DCK: variants seen among roughly 807,000 people sequenced by gnomAD.
DCK encodes deoxyadenosine kinase.
Under a neutral mutation model 38.3 loss-of-function variants are expected in DCK, and 23 were observed. The ratio of observed to expected loss-of-function variants is 0.60; its 90% CI spans 0.43 to 0.85. DCK has a LOEUF of 0.85. Ranked by LOEUF, DCK falls within the 40% of genes least tolerant of loss-of-function variation. The pLI, the probability that DCK is intolerant of heterozygous loss-of-function variation, is 0.00. For synonymous variants in DCK, 108 were observed against 100.6 expected (o/e 1.07, Z -0.44); for missense variants, 259 against 304.4 (o/e 0.85, Z 1.11).
Position 70,993,676 on chromosome 4 carries a change from A to G in DCK, c.-160A>G. The G allele has an allele frequency of 1.8e-6, 1 of 563,176 alleles. No homozygotes were observed. The highest frequency in any genetic ancestry group is 2.2e-5 in the South Asian group (1 of 45,934). 34.9% of individuals were successfully genotyped at this position (563,176 alleles called of 1,614,324 possible). A position where few individuals can be genotyped will look rare whatever the true frequency, so the allele number is the denominator to read the frequency against. Reference sequence around the variant, plus strand: ...TGTCCTCAGCTGCCTCCGCGCGCCAAAGTCAAACCCCGACACCCGCCGGCG... The same window carrying G: ...TGTCCTCAGCTGCCTCCGCGCGCCAGAGTCAAACCCCGACACCCGCCGGCG... On this transcript the variant is annotated 5_prime_UTR_variant, in exon 1 of 7. Transcript: ENST00000286648.
At chr4:71,011,122 T>C (rs1322728530) in intron 2 of DCK, among the ~76,000 whole-genome samples, 1 of 152,010 alleles carries the variant, frequency 6.6e-6, no homozygotes, top group Non-Finnish European at 1.5e-5. Flanking sequence ...TTTGTAATTT[T>C]AGTAGAGATG....
At chr4:71,028,843 T>C (rs2148920747) in intron 6 of DCK, 1 of 285,996 alleles carries the variant, frequency 3.5e-6, no homozygotes. Flanking sequence ...CCACAACCTC[T>C]GCCTCCCAGG....
chr4:70,993,712 C>G lies in DCK; in HGVS notation c.-124C>G, dbSNP rs1212119051. The G allele has an allele frequency of 3.1e-6, 2 of 643,324 alleles. No homozygotes were observed. Among genetic ancestry groups the G allele is most frequent in the Admixed American group, 2.9e-5 (1 of 34,912 alleles). The allele number at this position is 643,324 out of a possible 1,614,324, so 39.9% of individuals were successfully genotyped here. On this transcript the variant is annotated 5_prime_UTR_variant, in exon 1 of 7. Coordinates refer to ENST00000286648, the MANE Select transcript of DCK (RefSeq NM_000788.3). ...CGACACCCGCCGGCGGGCCGGTGAGCTCACTAGCTGACCCGGCAGGTCAGG... is the reference window on the plus strand; with the variant it reads ...CGACACCCGCCGGCGGGCCGGTGAGGTCACTAGCTGACCCGGCAGGTCAGG...
chr4:71,001,321 ATC>A (rs1392067925), intron 2 of DCK, among the ~76,000 whole-genome samples: 1 of 152,220 alleles, frequency 6.6e-6, no homozygotes, highest in Non-Finnish European at 1.5e-5. Flanking sequence ...CCAGCCCTGC[ATC>A]CCAGGGATGA....
chr4:71,020,526 T>C (rs1295521141), intron 2 of DCK, among the ~76,000 whole-genome samples: 1 of 152,204 alleles, frequency 6.6e-6, no homozygotes, highest in Non-Finnish European at 1.5e-5. Flanking sequence ...CTGAATTTAT[T>C]GGCTGGGATT....
chr4:71,016,338 C>T (rs1162891266), intron 2 of DCK, among the ~76,000 whole-genome samples: 13 of 152,224 alleles, frequency 8.5e-5, no homozygotes, highest in South Asian at 6.2e-4. Flanking sequence ...GAATCAATAT[C>T]GTGAAAATGG....
chr4:71,022,447 C>T lies in DCK; in HGVS notation c.288C>T (p.Phe96=). 6.2e-7 allele frequency: 1 copy of T among 1,610,482 alleles called. No homozygotes were observed. Among genetic ancestry groups the T allele is most frequent in the Non-Finnish European group, 8.5e-7 (1 of 1,178,450 alleles). Residue 96 remains phenylalanine, a synonymous_variant, in exon 3 of 7, where the codon TTC becomes TTT. Transcript: ENST00000286648. ...YEKPERWSFT[F]QTYACLSRIR... ...AACCTGAACGATGGTCTTTTACCTTCCAAACATATGCCTGTCTCAGTCGAA... is the reference window on the plus strand; with the variant it reads ...AACCTGAACGATGGTCTTTTACCTTTCAAACATATGCCTGTCTCAGTCGAA...
chr4:71,014,360 C>T (rs750254951), intron 2 of DCK, among the ~76,000 whole-genome samples: 18 of 152,246 alleles, frequency 1.2e-4, no homozygotes, highest in Non-Finnish European at 1.3e-4. Context: ...GACAGATGAA[C>T]GAGACAGAAA....
intron 3 of DCK, 99 bp downstream of exon 3, chr4:71,022,659 A>G: frequency 1.6e-6 from 1 of 628,070 alleles, no homozygotes; most frequent in Non-Finnish European, 2.4e-6. Context: ...GTAATAATGA[A>G]TGGCTGAGCT....
At position 70,998,455 on chromosome 4, in the gene DCK, G is replaced by A. The variant is rs72854178; in HGVS notation, c.207+273G>A. On this transcript the variant is annotated intron_variant, in intron 2 of 6. Transcript: ENST00000286648. ...ATAATAAAGGATTACTGTTCATATAGCATTTACATTGTATTAAGTATTATA... is the reference window on the plus strand; with the variant it reads ...ATAATAAAGGATTACTGTTCATATAACATTTACATTGTATTAAGTATTATA... Among the ~76,000 whole-genome samples the A allele has an allele frequency of 3.6e-3, 549 of 152,100 alleles. 5 individuals carry two copies. The highest frequency in any genetic ancestry group is 0.013 in the African/African-American group (531 of 41,502).
At chr4:71,019,729 T>C (rs1379247626) in intron 2 of DCK, among the ~76,000 whole-genome samples, 2 of 152,216 alleles carry the variant, frequency 1.3e-5, no homozygotes, top group African/African-American at 4.8e-5. Context: ...TTTTTGAAAT[T>C]AGGAGCCAAA....
At chr4:70,999,750 GTTT>G (rs1234905815) in intron 2 of DCK, among the ~76,000 whole-genome samples, 1 of 152,066 alleles carries the variant, frequency 6.6e-6, no homozygotes, top group Non-Finnish European at 1.5e-5. Context: ...TGTGGGTTTG[GTTT>G]GCATTTCTCT....
At chr4:71,019,754 G>A (rs537500119) in intron 2 of DCK, among the ~76,000 whole-genome samples, 2 of 150,966 alleles carry the variant, frequency 1.3e-5, no homozygotes, top group South Asian at 4.3e-4. Flanking sequence ...GTTCACACAC[G>A]TTACATTTGG....
chr4:71,018,669 T>C (rs1740335197), intron 2 of DCK, among the ~76,000 whole-genome samples: 1 of 134,726 alleles, frequency 7.4e-6, no homozygotes, highest in Non-Finnish European at 1.6e-5. Flanking sequence ...TTTTTAGATT[T>C]TTTTTTTTTT....
At chr4:71,021,919 T>A (rs1740433324) in intron 2 of DCK, among the ~76,000 whole-genome samples, 1 of 152,128 alleles carries the variant, frequency 6.6e-6, no homozygotes, top group Admixed American at 6.5e-5. Flanking sequence ...GGAGAATTGC[T>A]TGAACCTGGT....
At chr4:71,016,991 C>T (rs1387916483) in intron 2 of DCK, among the ~76,000 whole-genome samples, 1 of 152,150 alleles carries the variant, frequency 6.6e-6, no homozygotes, top group African/African-American at 2.4e-5. Context: ...TCAGAGTGAA[C>T]AGGCAACCTA....
At position 71,030,253 on chromosome 4, in the gene DCK, G is replaced by C. The variant is rs1740654453; in HGVS notation, c.*875G>C. ...CTCTAAACCATCTATGTGAATATTT[G>C]TAAAAATAATGAATGGACTCATCTT... On this transcript the variant is annotated 3_prime_UTR_variant, in exon 7 of 7. Transcript: ENST00000286648. 1 of 152,392 alleles carries C rather than the reference G, an allele frequency of 6.6e-6. No homozygotes were observed. The highest frequency in any genetic ancestry group is 1.5e-5 in the Non-Finnish European group (1 of 67,992). The allele number at this position is 152,392 out of a possible 1,614,324, so 9.4% of individuals were successfully genotyped here.
chr4:71,010,092 G>C lies in DCK; in HGVS notation c.207+11910G>C, dbSNP rs565185391. 1.9e-4 allele frequency among the ~76,000 whole-genome samples: 29 copies of C among 151,676 alleles called. No homozygotes were observed. In the South Asian group the frequency reaches 6.0e-3, roughly 32 times the overall value. On this transcript the variant is annotated intron_variant, in intron 2 of 6. Transcript: ENST00000286648. ...TGGCATTTGTAGATTTGGAAGAATT[G>C]GGCCTTTGGTACCTCTGATCTCTTC...
intron 1 of DCK, among the ~76,000 whole-genome samples, chr4:70,996,291 A>T (rs938698189): frequency 5.3e-5 from 8 of 151,620 alleles, no homozygotes; most frequent in Admixed American, 5.2e-4. Context: ...TGAGACCTAT[A>T]GTTTGAGGCT....
Sources: allele counts gnomAD v4.1 joint callset (sites outside exome capture counted in the v4.1 genomes callset), GRCh38; gene constraint gnomAD v4.1.1; transcripts MANE v1.5; gene names NCBI Gene and HGNC (gene_info 2026-07-23, HGNC 2026-07-21).